CUL5: variants seen among roughly 807,000 people sequenced by gnomAD.
The protein encoded by CUL5 is cullin-5.
Under a neutral mutation model 108.8 loss-of-function variants are expected in CUL5, and 26 were observed. That is an observed-to-expected ratio of 0.24 (90% CI 0.18 to 0.33). The LOEUF is 0.33. Among genes scored for constraint, CUL5 ranks in the 10% least tolerant of loss-of-function variants. CUL5 has a pLI of 1.00. For synonymous variants in CUL5, 334 were observed against 298.0 expected, an observed-to-expected ratio of 1.12 and a Z score of -1.25; for missense variants, 524 against 909.2, an observed-to-expected ratio of 0.58 and a Z score of 5.45.
chr11:108,058,544 G>A (rs1289168332), intron 7 of CUL5, among the ~76,000 whole-genome samples: 4 of 151,392 alleles, frequency 2.6e-5, no homozygotes, highest in African/African-American at 9.7e-5. Flanking sequence ...CACTGCACCC[G>A]GCCCAAAGTG....
At chr11:108,009,426 T>C (rs1862002994) in intron 1 of CUL5, 54 bp downstream of exon 1, 4 of 1,596,318 alleles carry the variant, frequency 2.5e-6, no homozygotes, top group Non-Finnish European at 3.4e-6. Flanking sequence ...GGTTCGGCTC[T>C]TTGGGAAAGG....
chr11:108,074,956 C>T (rs1329634000), intron 10 of CUL5, among the ~76,000 whole-genome samples: 2 of 152,096 alleles, frequency 1.3e-5, no homozygotes, highest in Non-Finnish European at 2.9e-5. Flanking sequence ...GACTCTGAGC[C>T]ATGGGAAGGA....
intron 7 of CUL5, among the ~76,000 whole-genome samples, chr11:108,057,460 A>G (rs971798669): frequency 5.3e-5 from 8 of 152,252 alleles, no homozygotes; most frequent in Non-Finnish European, 1.0e-4. Flanking sequence ...CACCAGTAGT[A>G]GGACATGCTG....
intron 1 of CUL5, among the ~76,000 whole-genome samples, chr11:108,030,530 G>A (rs529286636): frequency 1.8e-4 from 27 of 152,270 alleles, no homozygotes; most frequent in African/African-American, 6.0e-4. Context: ...CCAGTTACTC[G>A]GGAAGCTGAG....
rs1864739815 is a variant in CUL5, at chr11:108,104,363, C to T, written c.2322C>T (p.Asn774=). The change falls in exon 19 of 19, where the codon AAC becomes AAT. Residue 774 remains asparagine, a synonymous_variant. Coordinates refer to ENST00000393094, the MANE Select transcript of CUL5 (RefSeq NM_003478.6). Reference sequence around the variant, plus strand: ...TCAGAAGAGATGAATCTGATATCAACACTTTCATATATATGGCATAATTTT... The same window carrying T: ...TCAGAAGAGATGAATCTGATATCAATACTTTCATATATATGGCATAATTTT... The part of the protein sequence containing the change: ...KYIRRDESDI[N]TFIYMA The T allele has an allele frequency of 1.3e-6, 2 of 1,563,714 alleles. No homozygotes were observed. Among genetic ancestry groups the T allele is most frequent in the East Asian group, 4.6e-5 (2 of 43,056 alleles).
chr11:108,075,408 G>A (rs888981466), intron 10 of CUL5, among the ~76,000 whole-genome samples: 4 of 152,118 alleles, frequency 2.6e-5, no homozygotes, highest in Non-Finnish European at 4.4e-5. Flanking sequence ...TGCAGTTTTA[G>A]GAAAAAACAG....
At chr11:108,041,870 G>C (rs1862926609) in intron 2 of CUL5, among the ~76,000 whole-genome samples, 2 of 152,168 alleles carry the variant, frequency 1.3e-5, no homozygotes, top group Admixed American at 1.3e-4. Flanking sequence ...GGGATTATAG[G>C]CGTGAACCAC....
chr11:108,033,068 A>G lies in CUL5; in HGVS notation c.25-734A>G, dbSNP rs182198186. Among the ~76,000 whole-genome samples, 373 of 152,322 alleles carry G rather than the reference A, an allele frequency of 2.4e-3. 2 individuals are homozygous for G. The highest frequency in any genetic ancestry group is 8.5e-3 in the African/African-American group (355 of 41,574). ...GCATTTAGTGAAAGCTGTTGTACCC[A>G]TAGTTATGATTTGTTATAGGGAAAG... On this transcript the variant is annotated intron_variant, in intron 1 of 18. Coordinates refer to ENST00000393094, the MANE Select transcript of CUL5 (RefSeq NM_003478.6).
In CUL5 at chr11:108,105,085, T is replaced by C. The variant is rs1249111669; in HGVS notation, c.*701T>C. 2 of 152,242 alleles carry C rather than the reference T, an allele frequency of 1.3e-5. No individual in the cohort carries two copies. Among genetic ancestry groups the C allele is most frequent in the Non-Finnish European group, 2.9e-5 (2 of 67,906 alleles). The allele number at this position is 152,242 out of a possible 1,614,324, so 9.4% of individuals were successfully genotyped here. Reference sequence around the variant, plus strand: ...GATGAGGAGTTTTTTTTTTTTTAAATATGGCTGGAAAGCTTGTTTTGAAAA... The same window carrying C: ...GATGAGGAGTTTTTTTTTTTTTAAACATGGCTGGAAAGCTTGTTTTGAAAA... On this transcript the variant is annotated 3_prime_UTR_variant, in exon 19 of 19. Coordinates refer to ENST00000393094, the MANE Select transcript of CUL5 (RefSeq NM_003478.6).
chr11:108,080,758 T>G lies in CUL5; in HGVS notation c.1178+2518T>G, dbSNP rs188260226. 2.5e-3 allele frequency among the ~76,000 whole-genome samples: 384 copies of G among 152,294 alleles called. 5 individuals carry two copies. Among genetic ancestry groups the G allele is most frequent in the Middle Eastern group, 3.4e-3 (1 of 292 alleles). On this transcript the variant is annotated intron_variant, in intron 11 of 18. Coordinates refer to ENST00000393094, the MANE Select transcript of CUL5 (RefSeq NM_003478.6). The stretch of plus-strand genomic sequence containing the variant: ...TGAGTTGTAAGAGTTCTTTATATAT[T>G]CTGGTACTGGATCCGTATCAGATAG...
chr11:108,094,718 G>A (rs941722949), intron 14 of CUL5, 94 bp from the exon 15 acceptor site: 29 of 1,032,932 alleles, frequency 2.8e-5, no homozygotes, highest in Non-Finnish European at 3.9e-5. Context: ...AATCTTTATA[G>A]TCTTATTGAT....
Position 108,009,543 on chromosome 11 carries a change from G to A in CUL5, c.24+171G>A, listed in dbSNP as rs193061441. On this transcript the variant is annotated intron_variant, in intron 1 of 18. Transcript: ENST00000393094. ...TACCGGAACGCGGGTCTGTGGCCTT[G>A]GGGTCGACAGGCTCTGGTGGTCGCT... Among the ~76,000 whole-genome samples, 5 of 152,194 alleles carry A rather than the reference G, an allele frequency of 3.3e-5. No individual in the cohort carries two copies. In the East Asian group the frequency reaches 9.7e-4, roughly 30 times the overall value.
At chr11:108,019,961 G>A (rs1039613143) in intron 1 of CUL5, among the ~76,000 whole-genome samples, 1 of 152,000 alleles carries the variant, frequency 6.6e-6, no homozygotes, top group African/African-American at 2.4e-5. Flanking sequence ...AGTGGGGAGA[G>A]GTACCAGGCT....
intron 1 of CUL5, among the ~76,000 whole-genome samples, chr11:108,013,670 A>G (rs1181693545): frequency 1.3e-5 from 2 of 152,188 alleles, no homozygotes; most frequent in African/African-American, 4.8e-5. Context: ...GAACCACAAG[A>G]TAAATCAAAC....
chr11:108,084,401 T>C (rs1488525062), intron 11 of CUL5, among the ~76,000 whole-genome samples: 1 of 152,138 alleles, frequency 6.6e-6, no homozygotes, highest in Admixed American at 6.5e-5. Flanking sequence ...GCAATACTGC[T>C]GGGGGGCAGT....
intron 5 of CUL5, among the ~76,000 whole-genome samples, chr11:108,053,848 T>G (rs1565248449): frequency 6.7e-6 from 1 of 148,180 alleles, no homozygotes; most frequent in Admixed American, 6.7e-5. Context: ...CTGGCTAATT[T>G]GTTTCTTTTT....
At chr11:108,021,588 A>C (rs1362485736) in intron 1 of CUL5, among the ~76,000 whole-genome samples, 3 of 152,194 alleles carry the variant, frequency 2.0e-5, no homozygotes, top group Admixed American at 6.5e-5. Flanking sequence ...GAGCTTAAGC[A>C]GTGCTCTTGC....
intron 17 of CUL5, 21 bp from the exon 18 acceptor site, chr11:108,098,385 T>C (rs1394974750): frequency 5.0e-6 from 8 of 1,589,086 alleles, no homozygotes; most frequent in Non-Finnish European, 6.8e-6. Flanking sequence ...CATAAAATAC[T>C]TGATGCAATT....
At chr11:108,023,968 G>A (rs534829934) in intron 1 of CUL5, among the ~76,000 whole-genome samples, 12 of 152,176 alleles carry the variant, frequency 7.9e-5, no homozygotes, top group African/African-American at 2.6e-4. Flanking sequence ...TGTCTTTTAC[G>A]TAGTGATGTT....
Sources: gnomAD v4.1 joint callset for allele counts (sites outside exome capture counted in the v4.1 genomes callset) on GRCh38, gnomAD v4.1.1 for gene constraint, MANE v1.5 for transcripts, NCBI Gene and HGNC (gene_info 2026-07-23, HGNC 2026-07-21) for gene names.